TAF1: variants seen among roughly 807,000 people sequenced by gnomAD.
TAF1 encodes the protein transcription initiation factor TFIID subunit 1.
In TAF1, 2 loss-of-function variants were observed where a neutral mutation model predicts 138.5. The observed-to-expected ratio is 0.01, with a 90% confidence interval of 0.01 to 0.05. TAF1 has a LOEUF of 0.05. Ranked by LOEUF, TAF1 falls within the 10% of genes least tolerant of loss-of-function variation. TAF1 has a pLI of 1.00. For missense variants in TAF1, 709 were observed against 1,478.0 expected, an observed-to-expected ratio of 0.48 and a Z score of 8.53; for synonymous variants, 437 against 503.2, an observed-to-expected ratio of 0.87 and a Z score of 1.76.
In TAF1 at chrX:71,458,504, A is replaced by G. The variant is rs930604357; in HGVS notation, c.5064+138A>G. Reference sequence around the variant, plus strand: ...TGGCCCTGGGAATGAAAGCTTAGAAATGGGATTTCAAGTTGGGATGGCAGC... The same window carrying G: ...TGGCCCTGGGAATGAAAGCTTAGAAGTGGGATTTCAAGTTGGGATGGCAGC... On this transcript the variant is annotated intron_variant, in intron 35 of 37. Transcript: ENST00000423759. 39 of 881,929 alleles carry G rather than the reference A, an allele frequency of 4.4e-5. 1 individual carries two copies. The Middle Eastern group carries it at 1.6e-3, about 37-fold the overall frequency. 72.7% of individuals were successfully genotyped at this position (881,929 alleles called of 1,213,427 possible). A position where few individuals can be genotyped will look rare whatever the true frequency, so the allele number is the denominator to read the frequency against.
rs956352616 is a variant in TAF1, at chrX:71,384,157, T to A, written c.2121+22T>A. The A allele has an allele frequency of 2.5e-6, 3 of 1,201,511 alleles. No individual in the cohort carries two copies. In the African/African-American group the frequency reaches 5.3e-5, roughly 21 times the overall value. ...ACGGGTGAGTCTCTGCTCAGAAAAT[T>A]TTTTTCCCATACATAATTCTGCTTA... On this transcript the variant is annotated intron_variant, in intron 13 of 37. Transcript: ENST00000423759.
At chrX:71,439,352 G>A (rs1456104300) in intron 32 of TAF1, among the ~76,000 whole-genome samples, 1 of 110,631 alleles carries the variant, frequency 9.0e-6, no homozygotes, top group Non-Finnish European at 1.9e-5. Context: ...TGTCACTAAA[G>A]TTCACATTAC....
chrX:71,524,924 G>C (rs1243284583), intron 13 of TAF1, among the ~76,000 whole-genome samples: 4 of 97,197 alleles, frequency 4.1e-5, no homozygotes, highest in Admixed American at 1.2e-4. Flanking sequence ...CTAGGTGACA[G>C]AGTGAGACTC....
At chrX:71,380,716 CAA>C (rs1451028579) in intron 8 of TAF1, among the ~76,000 whole-genome samples, 7 of 112,005 alleles carry the variant, frequency 6.2e-5, no homozygotes, top group African/African-American at 1.9e-4. Flanking sequence ...TTTTTTGAGA[CAA>C]GAGTCTCTGT....
chrX:71,502,079 A>G (rs2039519537), intron 13 of TAF1, among the ~76,000 whole-genome samples: 1 of 111,406 alleles, frequency 9.0e-6, no homozygotes, highest in South Asian at 3.8e-4. Context: ...AAGCTTCCAC[A>G]GTGTGGAAGG....
chrX:71,387,837 G>T (rs749707737), intron 15 of TAF1, among the ~76,000 whole-genome samples: 26 of 111,411 alleles, frequency 2.3e-4, no homozygotes, highest in African/African-American at 8.5e-4. Flanking sequence ...GGAGGCTGAG[G>T]CAGGAGAATC....
chrX:71,499,535 C>A (rs1385277789), intron 13 of TAF1, among the ~76,000 whole-genome samples: 5 of 112,397 alleles, frequency 4.4e-5, no homozygotes, highest in African/African-American at 1.6e-4. Flanking sequence ...TCAAGGAAGG[C>A]AGAAGGATTT....
intron 13 of TAF1, among the ~76,000 whole-genome samples, chrX:71,474,525 A>G (rs761455079): frequency 8.9e-6 from 1 of 111,869 alleles, no homozygotes; most frequent in Admixed American, 9.6e-5. Flanking sequence ...GACAAGGAAT[A>G]AGGAGGCATA....
chrX:71,461,003 C>T, intron 37 of TAF1, 200 bp downstream of exon 37: 1 of 469,313 alleles, frequency 2.1e-6, no homozygotes, highest in Non-Finnish European at 3.6e-6. Flanking sequence ...GTGGAAAAGA[C>T]TGACACAAAC....
chrX:71,404,811 A>G (rs755938489), intron 25 of TAF1, among the ~76,000 whole-genome samples: 3 of 110,783 alleles, frequency 2.7e-5, no homozygotes, highest in South Asian at 3.8e-4. Flanking sequence ...GCTCTGTCCT[A>G]TGATATGTAC....
At chrX:71,381,306 C>T (rs2033876097) in intron 8 of TAF1, among the ~76,000 whole-genome samples, 1 of 111,712 alleles carries the variant, frequency 9.0e-6, no homozygotes, top group South Asian at 3.7e-4. Context: ...CTCTTGTTGC[C>T]CAGGTTGGAG....
intron 13 of TAF1, among the ~76,000 whole-genome samples, chrX:71,519,516 G>A (rs901635367): frequency 5.7e-5 from 6 of 106,027 alleles, no homozygotes; most frequent in African/African-American, 1.4e-4. Context: ...GGTGGCGGGC[G>A]CCTGTAGTCC....
At chrX:71,496,624 G>T (rs751325009) in intron 13 of TAF1, among the ~76,000 whole-genome samples, 1 of 99,393 alleles carries the variant, frequency 1.0e-5, no homozygotes, top group Admixed American at 1.1e-4. Flanking sequence ...CTTCTTTGTC[G>T]GTCTCTTCCT....
intron 4 of TAF1, 71 bp downstream of exon 4, chrX:71,375,357 C>T (rs2033396259): frequency 1.8e-6 from 2 of 1,127,409 alleles, no homozygotes; most frequent in Non-Finnish European, 2.4e-6. Context: ...GTGGCACACA[C>T]ATAAGGGACA....
intron 18 of TAF1, among the ~76,000 whole-genome samples, chrX:71,391,941 C>A (rs2034589847): frequency 9.0e-6 from 1 of 110,907 alleles, no homozygotes; most frequent in African/African-American, 3.3e-5. Context: ...GTACTCCTGA[C>A]TGGTCTGTGT....
At chrX:71,420,513 A>G (rs2036273100) in intron 28 of TAF1, 38 of 1,203,670 alleles carry the variant, frequency 3.2e-5, no homozygotes, top group Non-Finnish European at 3.8e-5. Context: ...CTTCTCCTCA[A>G]TGACATGATC....
chrX:71,428,011 A>ATTTT (rs779199962), intron 32 of TAF1, among the ~76,000 whole-genome samples: 4 of 74,457 alleles, frequency 5.4e-5, no homozygotes, highest in Non-Finnish European at 7.1e-5. Context: ...GATTAGCTCA[A>ATTTT]TTTTTTTTTT....
downstream of TAF1, among the ~76,000 whole-genome samples, chrX:71,467,911 G>A (rs2038798952): frequency 8.9e-6 from 1 of 111,888 alleles, no homozygotes; most frequent in African/African-American, 3.2e-5. Context: ...GCTTGGGAGT[G>A]TAACTCAGTA....
intron 32 of TAF1, among the ~76,000 whole-genome samples, chrX:71,432,843 G>T (rs747233302): frequency 4.5e-5 from 5 of 111,604 alleles, no homozygotes; most frequent in African/African-American, 1.6e-4. Context: ...CAAATTTTCC[G>T]TTAGGCTTAT....
Sources: allele counts gnomAD v4.1 joint callset (sites outside exome capture counted in the v4.1 genomes callset), GRCh38; gene constraint gnomAD v4.1.1; transcripts MANE v1.5; gene names NCBI Gene and HGNC (gene_info 2026-07-23, HGNC 2026-07-21).